OLFM3: variants seen among roughly 807,000 people sequenced by gnomAD.
The protein encoded by OLFM3 is noelin-3.
In OLFM3, 20 loss-of-function variants were observed where a neutral mutation model predicts 48.6. The observed-to-expected ratio is 0.41, with a 90% CI of 0.29 to 0.60. The LOEUF (loss-of-function observed/expected upper bound fraction) is 0.60. Among genes scored for constraint, OLFM3 ranks in the 20% least tolerant of loss-of-function variants. The probability of loss-of-function intolerance (pLI) is 0.28; values close to 1 mark genes in which losing one functional copy is unlikely to be tolerated. For missense variants in OLFM3, 437 were observed against 544.3 expected (o/e 0.80, Z 1.96); for synonymous variants, 222 against 198.1 (o/e 1.12, Z -1.01).
chr1:101,834,614 G>C (rs946125521), intron 2 of OLFM3, among the ~76,000 whole-genome samples: 4 of 152,152 alleles, frequency 2.6e-5, no homozygotes, highest in African/African-American at 9.7e-5. Flanking sequence ...CCTCCTTCAG[G>C]CCACTGTAAA....
intron 1 of OLFM3, among the ~76,000 whole-genome samples, chr1:101,923,126 T>A (rs1187502900): frequency 6.6e-6 from 1 of 152,200 alleles, no homozygotes; most frequent in African/African-American, 2.4e-5. Flanking sequence ...GGATGCCAGG[T>A]GGTCTTATCC....
Position 101,855,461 on chromosome 1 carries a change from T to C in OLFM3, c.70-18436A>G, listed in dbSNP as rs187990255. ...GTGTCTCATACACACACTCACCTCA[T>C]AGGTATGCAAAAAAATAGCCAATAT... On this transcript the variant is annotated intron_variant, in intron 1 of 5. Coordinates refer to ENST00000370103, the MANE Select transcript of OLFM3 (RefSeq NM_058170.4). Among the ~76,000 whole-genome samples, 527 of 152,190 alleles carry C rather than the reference T, an allele frequency of 3.5e-3. 5 individuals carry two copies. The highest frequency in any genetic ancestry group is 0.012 in the African/African-American group (496 of 41,540).
At chr1:101,873,252 A>G (rs1326871863) in intron 1 of OLFM3, among the ~76,000 whole-genome samples, 5 of 151,940 alleles carry the variant, frequency 3.3e-5, no homozygotes, top group African/African-American at 1.2e-4. Flanking sequence ...CTGCATATGT[A>G]TATTCATTTA....
At chr1:101,944,646 G>A (rs183617789) in intron 1 of OLFM3, among the ~76,000 whole-genome samples, 9 of 152,226 alleles carry the variant, frequency 5.9e-5, no homozygotes, top group African/African-American at 1.2e-4. Flanking sequence ...TTGGGAGTCC[G>A]AGGTGTGCAG....
intron 3 of OLFM3, among the ~76,000 whole-genome samples, chr1:101,827,511 G>C (rs1268956654): frequency 6.6e-6 from 1 of 152,058 alleles, no homozygotes; most frequent in African/African-American, 2.4e-5. Flanking sequence ...AGTAGAGACA[G>C]GGTAGGAAGA....
At position 101,929,714 on chromosome 1, in the gene OLFM3, A is replaced by G. The variant is rs139603428; in HGVS notation, c.69+67034T>C. Among the ~76,000 whole-genome samples the G allele has an allele frequency of 7.2e-3, 1,095 of 152,220 alleles. 20 individuals carry two copies. Among genetic ancestry groups the G allele is most frequent in the African/African-American group, 0.025 (1,036 of 41,538 alleles). ...ACTTTCTGCCACACAAAATAAATTA[A>G]ATTTATTTGAAATATCTAAAAATTA... On this transcript the variant is annotated intron_variant, in intron 1 of 5. Coordinates refer to ENST00000370103, the MANE Select transcript of OLFM3 (RefSeq NM_058170.4).
intron 1 of OLFM3, among the ~76,000 whole-genome samples, chr1:101,878,564 T>C (rs1657392141): frequency 1.3e-5 from 2 of 151,834 alleles, no homozygotes; most frequent in Non-Finnish European, 2.9e-5. Context: ...GATTAGTGGT[T>C]ATAGGAAGCA....
chr1:101,876,566 TA>T (rs1382122426), intron 1 of OLFM3, among the ~76,000 whole-genome samples: 4 of 151,976 alleles, frequency 2.6e-5, no homozygotes, highest in African/African-American at 9.7e-5. Context: ...TGTTTTAGAA[TA>T]AAAACAAATT....
chr1:101,962,467 T>C (rs1313659457), intron 1 of OLFM3, among the ~76,000 whole-genome samples: 2 of 152,150 alleles, frequency 1.3e-5, no homozygotes, highest in African/African-American at 4.8e-5. Flanking sequence ...ACTGGATTGT[T>C]GAGTACAAAT....
intron 1 of OLFM3, among the ~76,000 whole-genome samples, chr1:101,965,272 G>A (rs911750781): frequency 5.9e-5 from 9 of 152,146 alleles, no homozygotes; most frequent in African/African-American, 1.9e-4. Flanking sequence ...AACCTTCAGG[G>A]CAGAAAATAA....
At chr1:101,818,415 C>T (rs1033659136) in intron 4 of OLFM3, among the ~76,000 whole-genome samples, 2 of 152,160 alleles carry the variant, frequency 1.3e-5, no homozygotes, top group East Asian at 1.9e-4. Flanking sequence ...GAATAAAATG[C>T]ATAGCAATGG....
chr1:101,880,304 G>A (rs1657469512), intron 1 of OLFM3, among the ~76,000 whole-genome samples: 1 of 151,740 alleles, frequency 6.6e-6, no homozygotes, highest in South Asian at 2.1e-4. Flanking sequence ...TTTTGAATGG[G>A]TTGATTTCCC....
At chr1:101,962,951 G>A (rs1321240991) in intron 1 of OLFM3, among the ~76,000 whole-genome samples, 1 of 152,154 alleles carries the variant, frequency 6.6e-6, no homozygotes, top group Admixed American at 6.5e-5. Flanking sequence ...AACCCTATGT[G>A]GTGTTCAGTT....
chr1:101,908,584 G>A (rs1658633849), intron 1 of OLFM3, among the ~76,000 whole-genome samples: 1 of 152,202 alleles, frequency 6.6e-6, no homozygotes, highest in Admixed American at 6.5e-5. Context: ...AGTGGGTTAA[G>A]TGGTGACCCC....
At chr1:101,970,787 G>C (rs1660760698) in intron 1 of OLFM3, among the ~76,000 whole-genome samples, 1 of 152,198 alleles carries the variant, frequency 6.6e-6, no homozygotes, top group Non-Finnish European at 1.5e-5. Flanking sequence ...CTTCATACAT[G>C]AGGAACAATT....
intron 1 of OLFM3, among the ~76,000 whole-genome samples, chr1:101,896,488 CTTTTTTTTTTT>C (rs35260761): frequency 2.6e-5 from 2 of 76,690 alleles, no homozygotes; most frequent in Admixed American, 1.6e-4. Flanking sequence ...TGCTTACACA[CTTTTTTTTTTT>C]TTTTTTTTTT....
At chr1:101,899,186 C>G (rs1658308286) in intron 1 of OLFM3, among the ~76,000 whole-genome samples, 1 of 152,128 alleles carries the variant, frequency 6.6e-6, no homozygotes, top group South Asian at 2.1e-4. Context: ...GGACGATCGG[C>G]TTTTAAACTC....
At chr1:101,938,071 T>G (rs925719296) in intron 1 of OLFM3, among the ~76,000 whole-genome samples, 1 of 152,212 alleles carries the variant, frequency 6.6e-6, no homozygotes, top group East Asian at 1.9e-4. Flanking sequence ...TTGTGAGATA[T>G]AGCAAATTTA....
intron 1 of OLFM3, among the ~76,000 whole-genome samples, chr1:101,948,615 GT>G (rs1660029642): frequency 6.6e-6 from 1 of 151,702 alleles, no homozygotes; most frequent in South Asian, 2.1e-4. Context: ...TTTCACTTTT[GT>G]TTTCTAAATT....
Sources: allele counts gnomAD v4.1 joint callset (sites outside exome capture counted in the v4.1 genomes callset), GRCh38; gene constraint gnomAD v4.1.1; transcripts MANE v1.5; gene names NCBI Gene and HGNC (gene_info 2026-07-23, HGNC 2026-07-21).